The following C13orf42 variants were observed in gnomAD, a reference collection of about 807,000 sequenced individuals.
The protein encoded by C13orf42 is chromosome 13 open reading frame 42.
At chr13:51,126,515 A>AAAT (rs1418966758) in intron 1 of C13orf42, among the ~76,000 whole-genome samples, 2 of 152,212 alleles carry the variant, frequency 1.3e-5, no homozygotes, top group African/African-American at 4.8e-5. Flanking sequence ...TTTAAAAAGC[A>AAAT]TTACCTTCAG....
At chr13:51,130,564 G>T (rs1953608479) in intron 1 of C13orf42, among the ~76,000 whole-genome samples, 2 of 152,104 alleles carry the variant, frequency 1.3e-5, no homozygotes, top group South Asian at 4.2e-4. Flanking sequence ...ACAATTTAAA[G>T]GTGATTAGGC....
chr13:51,122,362 T>A (rs1398623823), intron 1 of C13orf42, among the ~76,000 whole-genome samples: 1 of 151,684 alleles, frequency 6.6e-6, no homozygotes, highest in African/African-American at 2.4e-5. Context: ...GGTGAAACCC[T>A]GTCTCTACCA....
chr13:51,086,526 G>A (rs2137973507), intron 2 of C13orf42, among the ~76,000 whole-genome samples: 1 of 152,058 alleles, frequency 6.6e-6, no homozygotes, highest in South Asian at 2.1e-4. Flanking sequence ...GTGTGTGTGT[G>A]TGTTAAAACC....
chr13:51,159,796 T>C (rs538237866), intron 1 of C13orf42, among the ~76,000 whole-genome samples: 4 of 145,680 alleles, frequency 2.7e-5, no homozygotes. Flanking sequence ...GCAACTCATA[T>C]GTAAGACAGT....
chr13:51,149,331 C>T (rs1223461243), intron 1 of C13orf42, among the ~76,000 whole-genome samples: 2 of 107,444 alleles, frequency 1.9e-5, no homozygotes, highest in Non-Finnish European at 4.2e-5. Context: ...AAAAAAAAAA[C>T]CCTAAAAATC....
chr13:51,125,420 T>G (rs984154532), intron 1 of C13orf42, among the ~76,000 whole-genome samples: 1 of 152,188 alleles, frequency 6.6e-6, no homozygotes, highest in Non-Finnish European at 1.5e-5. Flanking sequence ...GCATAGATTA[T>G]GCTTGTCGAG....
intron 1 of C13orf42, among the ~76,000 whole-genome samples, chr13:51,117,048 C>T (rs1953497780): frequency 6.6e-6 from 1 of 152,222 alleles, no homozygotes; most frequent in Non-Finnish European, 1.5e-5. Flanking sequence ...GGGGACTACA[C>T]AAGGGTGTGA....
chr13:51,136,831 C>A lies in C13orf42; in HGVS notation n.137-23609G>T, dbSNP rs560394613. Among the ~76,000 whole-genome samples, 5 of 152,332 alleles carry A rather than the reference C, an allele frequency of 3.3e-5. No homozygotes were observed. The East Asian group carries it at 9.6e-4, about 29-fold the overall frequency. On this transcript the variant is annotated intron_variant and non_coding_transcript_variant, in intron 1 of 4. Coordinates refer to the C13orf42 transcript ENST00000433280. ...GGATGCATTCACGCATTGGGTCATT[C>A]ATCAGCAAAGATTCAACAAGCACCA...
chr13:51,090,234 G>A (rs576300193), intron 1 of C13orf42, among the ~76,000 whole-genome samples: 13 of 152,240 alleles, frequency 8.5e-5, no homozygotes, highest in Admixed American at 2.0e-4. Context: ...GGCTGACTCC[G>A]AATTCATCCA....
At chr13:51,087,825 G>A (rs1033257453) in intron 2 of C13orf42, 103 bp downstream of exon 2, 1 of 396,910 alleles carries the variant, frequency 2.5e-6, no homozygotes. Context: ...ATTCCTGATG[G>A]CCTATTCTAT....
At chr13:51,086,305 C>CAAA (rs1208668818) in intron 2 of C13orf42, among the ~76,000 whole-genome samples, 1 of 59,554 alleles carries the variant, frequency 1.7e-5, no homozygotes, top group African/African-American at 5.1e-5. Flanking sequence ...GACTCCGTCT[C>CAAA]AAAAAAAAAA....
At chr13:51,141,849 C>T (rs1044585512) in intron 1 of C13orf42, among the ~76,000 whole-genome samples, 25 of 151,992 alleles carry the variant, frequency 1.6e-4, no homozygotes, top group African/African-American at 5.3e-4. Flanking sequence ...TAGTCAAATG[C>T]TTTTTCAAGT....
intron 1 of C13orf42, among the ~76,000 whole-genome samples, chr13:51,129,287 T>A (rs1438233984): frequency 1.3e-5 from 2 of 152,058 alleles, no homozygotes; most frequent in Admixed American, 1.3e-4. Context: ...TGGGTCAGGG[T>A]CTGCAGGCAG....
At position 51,137,048 on chromosome 13, in the gene C13orf42, T is replaced by A. The variant is rs565200849; in HGVS notation, n.137-23826A>T. Among the ~76,000 whole-genome samples, 40 of 152,218 alleles carry A rather than the reference T, an allele frequency of 2.6e-4. 1 individual carries two copies. In the South Asian group the frequency reaches 3.7e-3, roughly 14 times the overall value. Reference sequence around the variant, plus strand: ...AGCAAAAGTCAAGTACCTGGCCCCATAAGGAAGAGGAGCTGTGTGTGTTTG... The same window carrying A: ...AGCAAAAGTCAAGTACCTGGCCCCAAAAGGAAGAGGAGCTGTGTGTGTTTG... On this transcript the variant is annotated intron_variant and non_coding_transcript_variant, in intron 1 of 4. Transcript: ENST00000433280.
chr13:51,150,436 A>G (rs1468428260), intron 1 of C13orf42, among the ~76,000 whole-genome samples: 2 of 152,248 alleles, frequency 1.3e-5, no homozygotes, highest in African/African-American at 4.8e-5. Flanking sequence ...TAGAACTTCA[A>G]TCACACGGGA....
intron 1 of C13orf42, among the ~76,000 whole-genome samples, chr13:51,106,809 G>A (rs1953361395): frequency 6.6e-6 from 1 of 152,148 alleles, no homozygotes; most frequent in South Asian, 2.1e-4. Context: ...CCATCCTTCT[G>A]CCACACACAT....
chr13:51,125,157 G>C (rs1214701215), intron 1 of C13orf42, among the ~76,000 whole-genome samples: 1 of 152,136 alleles, frequency 6.6e-6, no homozygotes, highest in Admixed American at 6.5e-5. Context: ...GCTGGGCGAA[G>C]GTGCCAGTCT....
intron 1 of C13orf42, chr13:51,162,229 CACT>C (rs371357014): frequency 1.4e-3 from 268 of 196,516 alleles, no homozygotes; most frequent in African/African-American, 6.0e-3. Context: ...TATCCTGTAC[CACT>C]AAGTGTTTCC....
intron 1 of C13orf42, among the ~76,000 whole-genome samples, chr13:51,120,311 C>T (rs73188245): frequency 0.12 from 18,453 of 152,028 alleles, 1,204 homozygotes; most frequent in East Asian, 0.19. Flanking sequence ...GTGATGTGCC[C>T]GGCCTCCTAT....
Sources: gnomAD v4.1 joint callset for allele counts (sites outside exome capture counted in the v4.1 genomes callset) on GRCh38, gnomAD v4.1.1 for gene constraint, MANE v1.5 for transcripts, NCBI Gene and HGNC (gene_info 2026-07-23, HGNC 2026-07-21) for gene names.